USP13: variants seen among roughly 807,000 people sequenced by gnomAD.
USP13 encodes ubiquitin specific peptidase 13.
A neutral mutation model predicts 107.8 loss-of-function variants in USP13; 68 were observed. That is an observed-to-expected ratio of 0.63 (90% confidence interval 0.52 to 0.77). USP13 has a LOEUF of 0.77. Among genes scored for constraint, USP13 ranks in the 30% least tolerant of loss-of-function variants. The pLI is 0.00. For synonymous variants in USP13, 377 were observed against 389.5 expected (o/e 0.97, Z 0.38); for missense variants, 945 against 1,093.3 (o/e 0.86, Z 1.91).
At chr3:179,745,485 A>G (rs1028415773) in intron 13 of USP13, among the ~76,000 whole-genome samples, 12 of 150,478 alleles carry the variant, frequency 8.0e-5, no homozygotes, top group Admixed American at 2.0e-4. Context: ...TTTATTCTCT[A>G]TTAGGAGCCT....
At chr3:179,673,064 T>A (rs967490162) in intron 1 of USP13, among the ~76,000 whole-genome samples, 1 of 151,982 alleles carries the variant, frequency 6.6e-6, no homozygotes, top group Admixed American at 6.6e-5. Flanking sequence ...GGCAGTAGGG[T>A]TCAAGTGTCC....
intron 18 of USP13, among the ~76,000 whole-genome samples, 173 bp downstream of exon 18, chr3:179,764,341 C>G (rs919137579): frequency 2.6e-5 from 4 of 152,066 alleles, no homozygotes; most frequent in African/African-American, 9.7e-5. Context: ...AAATATAAAG[C>G]TAAAATGAAT....
intron 10 of USP13, among the ~76,000 whole-genome samples, chr3:179,733,558 T>C (rs1713880316): frequency 6.6e-6 from 1 of 152,206 alleles, no homozygotes; most frequent in East Asian, 1.9e-4. Flanking sequence ...AGAAGCCCTT[T>C]GGAAGGATGG....
intron 5 of USP13, among the ~76,000 whole-genome samples, chr3:179,708,147 C>T (rs1712788906): frequency 6.6e-6 from 1 of 152,142 alleles, no homozygotes; most frequent in Non-Finnish European, 1.5e-5. Context: ...CATTGTCCCT[C>T]ATAGAGGAGT....
rs1249350081 is a variant in USP13, at chr3:179,789,062, C to A, written c.*4921C>A. The A allele has an allele frequency of 2.6e-5, 4 of 152,150 alleles. No homozygotes were observed. The highest frequency in any genetic ancestry group is 2.6e-4 in the Admixed American group (4 of 15,276). 9.4% of individuals were successfully genotyped at this position (152,150 alleles called of 1,614,324 possible). ...ATATTAGCCACTTGAGGGTGTTGGG[C>A]ATATTTGTTTCATTGTAGGCAAAAT... On this transcript the variant is annotated 3_prime_UTR_variant, in exon 21 of 21. Coordinates refer to ENST00000263966, the MANE Select transcript of USP13 (RefSeq NM_003940.3).
rs1713750127 is a variant in USP13, at chr3:179,730,204, T to C, written c.1104T>C (p.Leu368=). 4 of 1,613,578 alleles carry C rather than the reference T, an allele frequency of 2.5e-6. No individual in the cohort carries two copies. The highest frequency in any genetic ancestry group is 3.4e-6 in the Non-Finnish European group (4 of 1,179,858). ...PEFQRAYVGN[L]PRIFDYSPLD... The stretch of plus-strand genomic sequence containing the variant: ...CATTTTCTAGGTATGTAGGAAACCT[T>C]CCCAGAATATTTGACTACTCGCCTT... The change falls in exon 9 of 21, where the codon CTT becomes CTC. Residue 368 remains leucine (L), a synonymous_variant. Transcript: ENST00000263966.
At chr3:179,718,013 G>A (rs1435727019) in intron 6 of USP13, among the ~76,000 whole-genome samples, 2 of 152,094 alleles carry the variant, frequency 1.3e-5, no homozygotes, top group Non-Finnish European at 2.9e-5. Flanking sequence ...TGGGACAGAA[G>A]GTCACATAGC....
intron 11 of USP13, among the ~76,000 whole-genome samples, chr3:179,741,952 G>T (rs535325885): frequency 3.3e-5 from 5 of 151,742 alleles, no homozygotes; most frequent in African/African-American, 4.8e-5. Flanking sequence ...CTCTCCCATG[G>T]TTTTTAATTT....
At chr3:179,776,184 T>C (rs1715531709) in intron 19 of USP13, among the ~76,000 whole-genome samples, 1 of 152,178 alleles carries the variant, frequency 6.6e-6, no homozygotes, top group South Asian at 2.1e-4. Flanking sequence ...CTTTTTTCTC[T>C]AATGAACCAG....
chr3:179,721,311 A>T lies in USP13; in HGVS notation c.901-91A>T, dbSNP rs1039687759. 2.2e-5 allele frequency: 31 copies of T among 1,408,576 alleles called. No homozygotes were observed. Among genetic ancestry groups the T allele is most frequent in the Non-Finnish European group, 3.0e-5 (31 of 1,042,536 alleles). The allele number at this position is 1,408,576 out of a possible 1,614,324, so 87.3% of individuals were successfully genotyped here. On this transcript the variant is annotated intron_variant, in intron 7 of 20. Coordinates refer to ENST00000263966, the MANE Select transcript of USP13 (RefSeq NM_003940.3). This position sits in a 1 kb window ranked among gnomAD's most constrained non-coding sequence, Gnocchi z 4.3. ...GTAATTGGGGAAAAAAATGGCAGAAACATCCTATGCTGTTAGAAATAATTA... is the reference window on the plus strand; with the variant it reads ...GTAATTGGGGAAAAAAATGGCAGAATCATCCTATGCTGTTAGAAATAATTA...
chr3:179,692,221 A>G (rs752798397), intron 3 of USP13, among the ~76,000 whole-genome samples: 3 of 152,238 alleles, frequency 2.0e-5, no homozygotes, highest in African/African-American at 7.2e-5. Context: ...TCTGATTTTC[A>G]TCTTTTTGCT....
In USP13 at chr3:179,704,568, T is replaced by G. The variant is rs561894326; in HGVS notation, c.478-2366T>G. Among the ~76,000 whole-genome samples, 84 of 152,218 alleles carry G rather than the reference T, an allele frequency of 5.5e-4. 1 individual carries two copies. The highest frequency in any genetic ancestry group is 1.9e-3 in the African/African-American group (80 of 41,538). On this transcript the variant is annotated intron_variant, in intron 4 of 20. Coordinates refer to ENST00000263966, the MANE Select transcript of USP13 (RefSeq NM_003940.3). Reference sequence around the variant, plus strand: ...CTACTGACCGATGACACTGGGCTACTCACAGTCAGGAACAAGGAAGAAGTC... The same window carrying G: ...CTACTGACCGATGACACTGGGCTACGCACAGTCAGGAACAAGGAAGAAGTC...
chr3:179,713,367 T>C (rs1712995704), intron 6 of USP13, among the ~76,000 whole-genome samples: 1 of 152,264 alleles, frequency 6.6e-6, no homozygotes. Flanking sequence ...ATACATTCTA[T>C]TTTGGTTTCC....
intron 2 of USP13, among the ~76,000 whole-genome samples, chr3:179,684,694 C>G (rs1229456605): frequency 6.6e-6 from 1 of 152,058 alleles, no homozygotes; most frequent in African/African-American, 2.4e-5. Flanking sequence ...TTCTGTTGAT[C>G]TTATTTGTCT....
At chr3:179,775,670 A>G (rs1006388437) in intron 19 of USP13, among the ~76,000 whole-genome samples, 3 of 152,200 alleles carry the variant, frequency 2.0e-5, no homozygotes, top group African/African-American at 7.2e-5. Flanking sequence ...GTGGGGAGGC[A>G]GCTGAGGCCT....
At chr3:179,656,446 T>C (rs571492162) in intron 1 of USP13, among the ~76,000 whole-genome samples, 76 of 152,378 alleles carry the variant, frequency 5.0e-4, no homozygotes, top group Middle Eastern at 3.4e-3. Flanking sequence ...TCTTCACCTT[T>C]GTGGGATATG....
chr3:179,714,686 G>C (rs528322126), intron 6 of USP13, among the ~76,000 whole-genome samples: 3 of 152,088 alleles, frequency 2.0e-5, no homozygotes, highest in Admixed American at 1.3e-4. Context: ...CCAGGAGTTT[G>C]AGACCAGCCT....
intron 8 of USP13, among the ~76,000 whole-genome samples, chr3:179,728,966 T>TG (rs1386246784): frequency 7.5e-6 from 1 of 133,810 alleles, no homozygotes; most frequent in Admixed American, 7.9e-5. Flanking sequence ...AGGGAGACCG[T>TG]GGGGAGACGG....
chr3:179,761,039 A>C, intron 16 of USP13, 73 bp from the exon 17 acceptor site: 1 of 1,574,718 alleles, frequency 6.4e-7, no homozygotes, highest in Non-Finnish European at 8.7e-7. Flanking sequence ...TGTGGATAGG[A>C]GAGTGGAGAG....
Sources: allele counts gnomAD v4.1 joint callset (sites outside exome capture counted in the v4.1 genomes callset), GRCh38; gene constraint gnomAD v4.1.1; non-coding constraint Gnocchi (gnomAD v3.1); transcripts MANE v1.5; gene names NCBI Gene and HGNC (gene_info 2026-07-23, HGNC 2026-07-21).